PEBP4: variants seen among roughly 807,000 people sequenced by gnomAD.
PEBP4 encodes phosphatidylethanolamine-binding protein 4.
PEBP4 carries 22 observed loss-of-function variants against 23.9 expected under a neutral mutation model. The ratio of observed to expected loss-of-function variants is 0.92; its 90% confidence interval spans 0.66 to 1.31. PEBP4 has a LOEUF of 1.31. Among genes scored for constraint, PEBP4 ranks in the 40% most tolerant of loss-of-function variants. The probability of loss-of-function intolerance (pLI) is 0.00; values close to 1 mark genes in which losing one functional copy is unlikely to be tolerated. For missense variants in PEBP4, 324 were observed against 281.7 expected (o/e 1.15, Z -1.07); for synonymous variants, 112 against 99.3 (o/e 1.13, Z -0.76).
chr8:22,790,013 G>C (rs935041344), intron 4 of PEBP4, among the ~76,000 whole-genome samples: 3 of 152,146 alleles, frequency 2.0e-5, no homozygotes, highest in African/African-American at 7.2e-5. Context: ...CCCATGGCCC[G>C]CTGACCCCCA....
At chr8:22,738,122 C>T (rs1804909747) in intron 4 of PEBP4, among the ~76,000 whole-genome samples, 1 of 152,216 alleles carries the variant, frequency 6.6e-6, no homozygotes, top group Non-Finnish European at 1.5e-5. Context: ...TGGGCCTATA[C>T]TCAGCCAGGG....
intron 3 of PEBP4, among the ~76,000 whole-genome samples, chr8:22,899,996 T>C (rs1808679897): frequency 6.6e-6 from 1 of 152,072 alleles, no homozygotes; most frequent in Non-Finnish European, 1.5e-5. Context: ...GAGACCTGGC[T>C]TGCGGTTTGG....
intron 4 of PEBP4, among the ~76,000 whole-genome samples, chr8:22,729,436 G>T (rs1804686430): frequency 6.6e-6 from 1 of 152,260 alleles, no homozygotes; most frequent in Non-Finnish European, 1.5e-5. Flanking sequence ...CCCAGAGTGA[G>T]GCAAGGGAGC....
intron 3 of PEBP4, among the ~76,000 whole-genome samples, chr8:22,911,793 A>C: frequency 6.6e-6 from 1 of 152,226 alleles, no homozygotes; most frequent in East Asian, 1.9e-4. Context: ...AACAAACAAA[A>C]AAACAACCCA....
intron 4 of PEBP4, among the ~76,000 whole-genome samples, chr8:22,809,894 TTACAGGTCACCTGCAC>T (rs2128760389): frequency 6.6e-6 from 1 of 152,370 alleles, no homozygotes; most frequent in African/African-American, 2.4e-5. Flanking sequence ...GGGGCACACC[TTACAGGTCACCTGCAC>T]CAGCCTTCTA....
intron 3 of PEBP4, among the ~76,000 whole-genome samples, chr8:22,873,374 A>G (rs796449519): frequency 1.6e-4 from 25 of 152,174 alleles, no homozygotes; most frequent in African/African-American, 5.8e-4. Flanking sequence ...CATGCCTATA[A>G]CCCCAGCACT....
At chr8:22,934,868 C>T (rs917199635) in intron 1 of PEBP4, among the ~76,000 whole-genome samples, 3 of 152,106 alleles carry the variant, frequency 2.0e-5, no homozygotes, top group Non-Finnish European at 4.4e-5. Flanking sequence ...TATATACTGT[C>T]CACAATAGAC....
chr8:22,717,349 A>G (rs534752025), intron 6 of PEBP4, among the ~76,000 whole-genome samples: 33 of 152,302 alleles, frequency 2.2e-4, no homozygotes, highest in Non-Finnish European at 4.0e-4. Context: ...GCCCACTCTT[A>G]AGACTTCCCA....
chr8:22,922,730 A>G (rs1229655011), intron 2 of PEBP4, among the ~76,000 whole-genome samples: 2 of 151,914 alleles, frequency 1.3e-5, no homozygotes, highest in Non-Finnish European at 2.9e-5. Flanking sequence ...TATCTCAAAA[A>G]CAACTTGCAT....
intron 6 of PEBP4, among the ~76,000 whole-genome samples, chr8:22,724,232 C>T (rs1177727813): frequency 6.6e-6 from 1 of 152,178 alleles, no homozygotes; most frequent in African/African-American, 2.4e-5. Context: ...GGCCACCGCT[C>T]CTGCTCCCTG....
At chr8:22,713,665 A>G in intron 6 of PEBP4, 129 bp from the exon 7 acceptor site, 1 of 1,330,324 alleles carries the variant, frequency 7.5e-7, no homozygotes, top group South Asian at 1.3e-5. Flanking sequence ...CATGGGGCGT[A>G]GTGGCTGGGG....
intron 4 of PEBP4, among the ~76,000 whole-genome samples, chr8:22,769,214 G>A (rs994298182): frequency 1.4e-4 from 22 of 152,178 alleles, no homozygotes; most frequent in Admixed American, 7.8e-4. Flanking sequence ...CCCTGGGCAC[G>A]CCATTGAGGT....
chr8:22,779,558 A>G (rs994217150), intron 4 of PEBP4, among the ~76,000 whole-genome samples: 2 of 152,070 alleles, frequency 1.3e-5, no homozygotes, highest in African/African-American at 4.8e-5. Flanking sequence ...CCAGGGAGAG[A>G]GCTGGGCTGG....
At chr8:22,891,228 T>C (rs1808485563) in intron 3 of PEBP4, among the ~76,000 whole-genome samples, 1 of 146,754 alleles carries the variant, frequency 6.8e-6, no homozygotes, top group Non-Finnish European at 1.5e-5. Context: ...TTCTTCCATA[T>C]GCACTTGCCA....
chr8:22,801,892 CT>C (rs997641294), intron 4 of PEBP4, among the ~76,000 whole-genome samples: 4 of 152,156 alleles, frequency 2.6e-5, no homozygotes, highest in African/African-American at 9.7e-5. Context: ...AAGATAGCAC[CT>C]GTTTCTATGG....
chr8:22,746,567 C>G (rs1175390748), intron 4 of PEBP4, among the ~76,000 whole-genome samples: 1 of 151,962 alleles, frequency 6.6e-6, no homozygotes, highest in Non-Finnish European at 1.5e-5. Flanking sequence ...CCTGTCCTCT[C>G]TCCTCTCTCC....
intron 3 of PEBP4, among the ~76,000 whole-genome samples, chr8:22,857,215 C>G (rs1405981320): frequency 4.0e-5 from 6 of 149,472 alleles, no homozygotes; most frequent in African/African-American, 1.5e-4. Flanking sequence ...TTATAGTGGA[C>G]ATTTCCTACT....
intron 4 of PEBP4, among the ~76,000 whole-genome samples, chr8:22,745,405 G>A (rs1585249464): frequency 6.6e-6 from 1 of 152,218 alleles, no homozygotes; most frequent in Admixed American, 6.5e-5. Flanking sequence ...CAGGGGCAGA[G>A]GCTGGGGCCC....
rs892663740 is a variant in PEBP4, at chr8:22,865,309, G to T, written c.259-47574C>A. On this transcript the variant is annotated intron_variant, in intron 3 of 6. Transcript: ENST00000256404. This position sits in a 1 kb window ranked among gnomAD's most constrained non-coding sequence, Gnocchi z 6.9. ...AGCCCGGGAAGAGCGGCGGGCGGATGGGAATTACCCCGGGTCCCCCTGCGG... is the reference window on the plus strand; with the variant it reads ...AGCCCGGGAAGAGCGGCGGGCGGATTGGAATTACCCCGGGTCCCCCTGCGG... Among the ~76,000 whole-genome samples, 2 of 151,898 alleles carry T rather than the reference G, an allele frequency of 1.3e-5. No homozygotes were observed. The highest frequency in any genetic ancestry group is 4.8e-5 in the African/African-American group (2 of 41,388).
Sources: allele counts gnomAD v4.1 joint callset (sites outside exome capture counted in the v4.1 genomes callset), GRCh38; gene constraint gnomAD v4.1.1; non-coding constraint Gnocchi (gnomAD v3.1); transcripts MANE v1.5; gene names NCBI Gene and HGNC (gene_info 2026-07-23, HGNC 2026-07-21).